NAPB: variants seen among roughly 807,000 people sequenced by gnomAD.
The protein encoded by NAPB is NSF attachment protein beta, also known as beta-soluble NSF attachment protein.
In NAPB, 26 loss-of-function variants were observed where a neutral mutation model predicts 44.7. The ratio of observed to expected loss-of-function variants is 0.58; its 90% confidence interval spans 0.43 to 0.81. The LOEUF (loss-of-function observed/expected upper bound fraction) is 0.81. Among genes scored for constraint, NAPB ranks in the 30% least tolerant of loss-of-function variants. The pLI is 0.00. For missense variants in NAPB, 315 were observed against 356.4 expected, an observed-to-expected ratio of 0.88 and a Z score of 0.94; for synonymous variants, 120 against 116.8, an observed-to-expected ratio of 1.03 and a Z score of -0.18.
chr20:23,390,000 T>A lies in NAPB; in HGVS notation c.507A>T (p.Ala169=). 1 of 1,614,186 alleles carries A rather than the reference T, an allele frequency of 6.2e-7. No individual in the cohort carries two copies. Among genetic ancestry groups the A allele is most frequent in the Non-Finnish European group, 8.5e-7 (1 of 1,180,018 alleles). ...ACTGCTCAAGCTGGGCAGCATATGCTGCCACCTTCAGCAGACACTTGTTTG... is the reference window on the plus strand; with the variant it reads ...ACTGCTCAAGCTGGGCAGCATATGCAGCCACCTTCAGCAGACACTTGTTTG... The part of the protein sequence containing the change: ...SSANKCLLKV[A]AYAAQLEQYQ... The change falls in exon 7 of 11, where the codon GCA becomes GCT. Residue 169 remains alanine, a synonymous_variant. Coordinates refer to ENST00000377026, the MANE Select transcript of NAPB (RefSeq NM_022080.3).
At chr20:23,387,696 T>C (rs990961837) in intron 7 of NAPB, among the ~76,000 whole-genome samples, 1 of 152,116 alleles carries the variant, frequency 6.6e-6, no homozygotes, top group Non-Finnish European at 1.5e-5. Flanking sequence ...ATACAAAACT[T>C]ACACACCAAA....
At chr20:23,402,605 T>A (rs973042462) in intron 2 of NAPB, among the ~76,000 whole-genome samples, 1 of 152,176 alleles carries the variant, frequency 6.6e-6, no homozygotes, top group Non-Finnish European at 1.5e-5. Context: ...ATTCTCTTTA[T>A]CCCACTAGTT....
chr20:23,413,983 T>C (rs541426819), intron 1 of NAPB, among the ~76,000 whole-genome samples: 3 of 152,018 alleles, frequency 2.0e-5, no homozygotes, highest in Non-Finnish European at 4.4e-5. Context: ...AGTAAAGCTA[T>C]ATACAAATGA....
chr20:23,403,712 T>C (rs1389965655), intron 1 of NAPB, among the ~76,000 whole-genome samples: 1 of 152,120 alleles, frequency 6.6e-6, no homozygotes, highest in Non-Finnish European at 1.5e-5. Flanking sequence ...TTCCCATCTA[T>C]AAAAGCTGGA....
At chr20:23,410,631 T>C (rs1017355854) in intron 1 of NAPB, among the ~76,000 whole-genome samples, 4 of 151,996 alleles carry the variant, frequency 2.6e-5, no homozygotes, top group African/African-American at 9.7e-5. Flanking sequence ...AACCTCAGTA[T>C]CACACAATAT....
Position 23,419,324 on chromosome 20 carries a change from T to C in NAPB, c.98+1981A>G, listed in dbSNP as rs565437675. Among the ~76,000 whole-genome samples, 4 of 152,370 alleles carry C rather than the reference T, an allele frequency of 2.6e-5. 1 individual carries two copies. Among genetic ancestry groups the C allele is most frequent in the South Asian group, 4.1e-4 (2 of 4,832 alleles). ...AATGGTGAAGATTCGTCTTCTTATATGTCCTGTCAATAACATAGGTAGCAA... is the reference window on the plus strand; with the variant it reads ...AATGGTGAAGATTCGTCTTCTTATACGTCCTGTCAATAACATAGGTAGCAA... On this transcript the variant is annotated intron_variant, in intron 1 of 10. Coordinates refer to ENST00000377026, the MANE Select transcript of NAPB (RefSeq NM_022080.3).
At chr20:23,405,772 G>A (rs1382994006) in intron 1 of NAPB, among the ~76,000 whole-genome samples, 6 of 152,044 alleles carry the variant, frequency 3.9e-5, no homozygotes, top group Non-Finnish European at 7.4e-5. Flanking sequence ...TCCATCAACC[G>A]ATTAACAGAT....
chr20:23,403,221 A>C, intron 1 of NAPB, 149 bp from the exon 2 acceptor site: 1 of 633,844 alleles, frequency 1.6e-6, no homozygotes, highest in Non-Finnish European at 2.7e-6. Flanking sequence ...TACTCTTACT[A>C]TACCTGTTTT....
chr20:23,389,621 T>C (rs1323694829), intron 7 of NAPB, among the ~76,000 whole-genome samples: 1 of 152,198 alleles, frequency 6.6e-6, no homozygotes, highest in Non-Finnish European at 1.5e-5. Flanking sequence ...AAGTGAAAGA[T>C]GGCAGTCACA....
rs764630050 is a variant in NAPB at position 23,394,931 on chromosome 20, G to C, written c.411C>G (p.Asp137Glu). 1 of 1,613,912 alleles carries C rather than the reference G, an allele frequency of 6.2e-7. No individual in the cohort carries two copies. Among genetic ancestry groups the C allele is most frequent in the African/African-American group, 1.3e-5 (1 of 74,918 alleles). ...IAEIYETELV[D>E]IEKAIAHYEQ... ...TGTGCCCACTGCTTACCTTCTCAAT[G>C]TCTACAAGTTCAGTCTCATAGATCT... The change falls in exon 5 of 11, where the codon GAC becomes GAG. Residue 137 changes from aspartate (D) to glutamate (E), a missense_variant. Around this residue, in one of 3 missense-constraint regions of NAPB, gnomAD observed 179 missense variants for 182.5 expected, o/e 0.98. Coordinates refer to ENST00000377026, the MANE Select transcript of NAPB (RefSeq NM_022080.3).
intron 1 of NAPB, among the ~76,000 whole-genome samples, chr20:23,405,934 T>C (rs765026698): frequency 3.3e-5 from 5 of 152,326 alleles, no homozygotes; most frequent in African/African-American, 4.8e-5. Context: ...TTGAATGTTT[T>C]TGTCCCCTCC....
At chr20:23,385,521 AG>A (rs1410639018) in intron 7 of NAPB, among the ~76,000 whole-genome samples, 1 of 152,154 alleles carries the variant, frequency 6.6e-6, no homozygotes, top group Admixed American at 6.5e-5. Context: ...GCACTTTGGG[AG>A]GACAAGGCAG....
At chr20:23,419,899 G>A (rs952860882) in intron 1 of NAPB, among the ~76,000 whole-genome samples, 12 of 152,146 alleles carry the variant, frequency 7.9e-5, no homozygotes, top group African/African-American at 2.9e-4. Flanking sequence ...TCCTAAAGAC[G>A]TATCAATAGC....
At chr20:23,377,693 A>G (rs1440040406) in intron 10 of NAPB, among the ~76,000 whole-genome samples, 1 of 152,188 alleles carries the variant, frequency 6.6e-6, no homozygotes, top group Non-Finnish European at 1.5e-5. Flanking sequence ...TACTAGTGAC[A>G]AGTTCCTGGG....
chr20:23,383,383 G>C (rs1983198318), intron 7 of NAPB, among the ~76,000 whole-genome samples: 1 of 151,902 alleles, frequency 6.6e-6, no homozygotes, highest in Non-Finnish European at 1.5e-5. Flanking sequence ...CTTTTTTATA[G>C]GGGAAAACAA....
chr20:23,384,698 C>T (rs1983333392), intron 7 of NAPB, among the ~76,000 whole-genome samples: 1 of 151,932 alleles, frequency 6.6e-6, no homozygotes, highest in Admixed American at 6.6e-5. Flanking sequence ...AAACAAAAAG[C>T]AAAGAATAGA....
intron 1 of NAPB, among the ~76,000 whole-genome samples, chr20:23,415,990 C>A (rs901898921): frequency 1.3e-5 from 2 of 152,216 alleles, no homozygotes; most frequent in Non-Finnish European, 1.5e-5. Flanking sequence ...ATAAATAAAA[C>A]GGAAGAAAGC....
intron 1 of NAPB, among the ~76,000 whole-genome samples, chr20:23,403,988 A>G (rs1268425214): frequency 6.6e-6 from 1 of 152,144 alleles, no homozygotes; most frequent in East Asian, 1.9e-4. Context: ...AATGCATTTT[A>G]CAACACCCTG....
chr20:23,375,504 A>G lies in NAPB; in HGVS notation c.*1872T>C, dbSNP rs1463324826. On this transcript the variant is annotated 3_prime_UTR_variant, in exon 11 of 11. Coordinates refer to ENST00000377026, the MANE Select transcript of NAPB (RefSeq NM_022080.3). ...AAGTGCATTTGGCTGGTTGTAGGAT[A>G]TATTATTAGGTGGGGAAACAAAACC... The G allele has an allele frequency of 6.6e-6, 1 of 151,928 alleles. No individual in the cohort carries two copies. The highest frequency in any genetic ancestry group is 1.5e-5 in the Non-Finnish European group (1 of 67,960). The allele number at this position is 151,928 out of a possible 1,614,324, so 9.4% of individuals were successfully genotyped here.
Sources: gnomAD v4.1 joint callset for allele counts (sites outside exome capture counted in the v4.1 genomes callset) on GRCh38, gnomAD v4.1.1 for gene constraint, gnomAD v4.1.1 regional missense constraint, MANE v1.5 for transcripts, NCBI Gene and HGNC (gene_info 2026-07-23, HGNC 2026-07-21) for gene names.